KCNMA1: variants seen among roughly 807,000 people sequenced by gnomAD.
The protein encoded by KCNMA1 is Calcium-activated potassium channel subunit alpha-1.
KCNMA1 carries 29 observed loss-of-function variants against 140.0 expected under a neutral mutation model. The ratio of observed to expected loss-of-function variants is 0.21; its 90% CI spans 0.15 to 0.28. KCNMA1 has a LOEUF of 0.28. KCNMA1 is among the 10% of genes least tolerant of loss of function. The pLI is 1.00. For synonymous variants in KCNMA1, 612 were observed against 611.9 expected (o/e 1.00, Z 0.00); for missense variants, 880 against 1,602.2 (o/e 0.55, Z 7.70).
At chr10:77,375,243 G>T (rs538555390) in intron 2 of KCNMA1, among the ~76,000 whole-genome samples, 1 of 152,260 alleles carries the variant, frequency 6.6e-6, no homozygotes, top group Admixed American at 6.5e-5. Context: ...ACCCACAATG[G>T]TCCTGCTCCT....
At chr10:77,612,522 C>A (rs576348742) in intron 1 of KCNMA1, among the ~76,000 whole-genome samples, 1 of 152,144 alleles carries the variant, frequency 6.6e-6, no homozygotes, top group Non-Finnish European at 1.5e-5. Context: ...TTCCTAGGAG[C>A]GCTTGTGGTC....
chr10:77,289,242 C>A (rs1298648404), intron 2 of KCNMA1, among the ~76,000 whole-genome samples: 2 of 152,184 alleles, frequency 1.3e-5, no homozygotes, highest in Admixed American at 6.5e-5. Context: ...AGCAGACAGT[C>A]CCACTCCCCA....
intron 1 of KCNMA1, among the ~76,000 whole-genome samples, chr10:77,438,541 C>A (rs1471289497): frequency 5.8e-5 from 8 of 137,960 alleles, no homozygotes; most frequent in East Asian, 2.1e-4. Flanking sequence ...CCAGCCTGGG[C>A]AACAAGAGCG....
intron 3 of KCNMA1, among the ~76,000 whole-genome samples, chr10:77,197,321 G>T (rs1033705198): frequency 1.3e-5 from 2 of 152,188 alleles, no homozygotes; most frequent in African/African-American, 2.4e-5. Flanking sequence ...ACATGAAAGG[G>T]TATCATCATC....
intron 3 of KCNMA1, among the ~76,000 whole-genome samples, chr10:77,221,250 G>A (rs956209432): frequency 2.0e-5 from 3 of 151,990 alleles, no homozygotes; most frequent in African/African-American, 7.3e-5. Context: ...GGAAATTTCT[G>A]GAAATGACCT....
At chr10:77,030,509 T>A (rs1183300052) in intron 15 of KCNMA1, among the ~76,000 whole-genome samples, 1 of 152,130 alleles carries the variant, frequency 6.6e-6, no homozygotes, top group Admixed American at 6.5e-5. Context: ...CGTGCAAAGG[T>A]TAATTTGCTA....
At chr10:76,942,118 C>T (rs187414724) in intron 23 of KCNMA1, among the ~76,000 whole-genome samples, 129 of 152,272 alleles carry the variant, frequency 8.5e-4, no homozygotes, top group African/African-American at 2.9e-3. Flanking sequence ...ATTATAGGCA[C>T]CCGCCACCAT....
intron 2 of KCNMA1, among the ~76,000 whole-genome samples, chr10:77,254,260 C>T (rs1359071646): frequency 4.8e-5 from 7 of 145,124 alleles, no homozygotes; most frequent in African/African-American, 1.3e-4. Context: ...CTCGTTCTGT[C>T]GCCCAGGCTG....
chr10:77,223,763 G>A (rs2050429274), intron 3 of KCNMA1, among the ~76,000 whole-genome samples: 1 of 152,122 alleles, frequency 6.6e-6, no homozygotes. Flanking sequence ...TTCAAGGAGG[G>A]TGTGCTTGGA....
At position 76,909,675 on chromosome 10, in the gene KCNMA1, T is replaced by A. The variant is rs552208552; in HGVS notation, c.3147+291A>T. 4.4e-3 allele frequency among the ~76,000 whole-genome samples: 665 copies of A among 152,310 alleles called. 4 individuals carry two copies. Among genetic ancestry groups the A allele is most frequent in the African/African-American group, 0.015 (623 of 41,574 alleles). On this transcript the variant is annotated intron_variant, in intron 25 of 27. Coordinates refer to ENST00000286628, the MANE Select transcript of KCNMA1 (RefSeq NM_001161352.2). ...CCTCTTTATGGCTCAAATTTTAGCA[T>A]AAAATGTACAACTCCCTTGGGGAAT...
chr10:77,070,087 A>G (rs2096134476), intron 14 of KCNMA1, among the ~76,000 whole-genome samples: 1 of 152,104 alleles, frequency 6.6e-6, no homozygotes, highest in South Asian at 2.1e-4. Context: ...AAGTGCTTAT[A>G]TTACAGGTGT....
chr10:77,422,990 C>T (rs1203346882), intron 1 of KCNMA1, among the ~76,000 whole-genome samples: 2 of 152,232 alleles, frequency 1.3e-5, no homozygotes, highest in African/African-American at 2.4e-5. Context: ...AGTCCAAGGA[C>T]AGATAAAGCT....
intron 1 of KCNMA1, among the ~76,000 whole-genome samples, chr10:77,591,401 T>A (rs961563092): frequency 1.3e-5 from 2 of 152,164 alleles, no homozygotes; most frequent in Non-Finnish European, 2.9e-5. Flanking sequence ...TGGCTCTTGC[T>A]AATTAGCAGT....
intron 1 of KCNMA1, among the ~76,000 whole-genome samples, chr10:77,522,008 C>G (rs1315148439): frequency 6.6e-6 from 1 of 151,998 alleles, no homozygotes; most frequent in African/African-American, 2.4e-5. Context: ...AAACCTATCT[C>G]TACTAAAAAT....
chr10:77,324,115 T>C (rs1341612566), intron 2 of KCNMA1, among the ~76,000 whole-genome samples: 1 of 152,160 alleles, frequency 6.6e-6, no homozygotes, highest in East Asian at 1.9e-4. Flanking sequence ...ACATCTGGCT[T>C]CATTGCAAGC....
chr10:77,576,476 G>A (rs933498472), intron 1 of KCNMA1, among the ~76,000 whole-genome samples: 2 of 152,162 alleles, frequency 1.3e-5, no homozygotes, highest in African/African-American at 4.8e-5. Flanking sequence ...GAAGCAGGCG[G>A]ACTCTCGGCC....
intron 5 of KCNMA1, among the ~76,000 whole-genome samples, chr10:77,137,793 A>T (rs1871062): frequency 0.43 from 65,929 of 151,684 alleles, 15,059 homozygotes; most frequent in Non-Finnish European, 0.49. Context: ...TTTTAAAAAA[A>T]TTTTTTGAGA....
At chr10:77,332,252 G>T (rs897239820) in intron 2 of KCNMA1, among the ~76,000 whole-genome samples, 10 of 152,054 alleles carry the variant, frequency 6.6e-5, no homozygotes, top group African/African-American at 2.4e-4. Flanking sequence ...GGAAAAAAAG[G>T]AGAGAGAGTT....
chr10:77,561,595 T>C (rs906267894), intron 1 of KCNMA1, among the ~76,000 whole-genome samples: 2 of 152,176 alleles, frequency 1.3e-5, no homozygotes, highest in African/African-American at 4.8e-5. Flanking sequence ...TTAAATCATT[T>C]GTGTCCACTC....
Sources: allele counts gnomAD v4.1 joint callset (sites outside exome capture counted in the v4.1 genomes callset), GRCh38; gene constraint gnomAD v4.1.1; transcripts MANE v1.5; gene names NCBI Gene and HGNC (gene_info 2026-07-23, HGNC 2026-07-21).